Variants in SUPT5H observed in about 807,000 individuals in gnomAD.
SUPT5H encodes the protein SPT5 homolog, DSIF elongation factor subunit, also known as transcription elongation factor SPT5.
In SUPT5H, 24 loss-of-function variants were observed where a neutral mutation model predicts 142.5. The ratio of observed to expected loss-of-function variants is 0.17; its 90% CI spans 0.12 to 0.24. SUPT5H has a LOEUF of 0.24. Among genes scored for constraint, SUPT5H ranks in the 10% least tolerant of loss-of-function variants. The probability of loss-of-function intolerance (pLI) is 1.00; values close to 1 mark genes in which losing one functional copy is unlikely to be tolerated. For synonymous variants in SUPT5H, 546 were observed against 553.0 expected, an observed-to-expected ratio of 0.99 and a Z score of 0.18; for missense variants, 893 against 1,471.8, an observed-to-expected ratio of 0.61 and a Z score of 6.43.
At position 39,466,114 on chromosome 19, in the gene SUPT5H, A is replaced by G. The variant is rs535676712; in HGVS notation, c.877-366A>G. Among the ~76,000 whole-genome samples the G allele has an allele frequency of 1.3e-5, 2 of 152,296 alleles. No homozygotes were observed. Among genetic ancestry groups the G allele is most frequent in the East Asian group, 1.9e-4 (1 of 5,172 alleles). On this transcript the variant is annotated intron_variant, in intron 11 of 29. Coordinates refer to ENST00000432763, the MANE Select transcript of SUPT5H (RefSeq NM_001111020.3). The surrounding 1 kb of genome is among the most constrained non-coding windows in gnomAD (Gnocchi z 4.3). ...AAGGCAGAGCTGATGGAATTTGCCA[A>G]CGGGTCGGGTGTGGGTGTAAGAGAA...
chr19:39,450,580 G>A (rs1011396506), intron 2 of SUPT5H, among the ~76,000 whole-genome samples: 1 of 152,238 alleles, frequency 6.6e-6, no homozygotes, highest in African/African-American at 2.4e-5. Context: ...GAGGCAGCAG[G>A]CAGAGCATGT....
At position 39,469,231 on chromosome 19, in the gene SUPT5H, C is replaced by A. The variant is rs1452738527; in HGVS notation, c.1238-31C>A. The A allele has an allele frequency of 3.1e-6, 5 of 1,614,060 alleles. No individual in the cohort carries two copies. In the African/African-American group the frequency reaches 4.0e-5, roughly 13 times the overall value. ...AGCAGGGGCGGCCCATGGTGGCAAC[C>A]CCCGAGTCAGCCCTACGACTGCCCC... On this transcript the variant is annotated intron_variant, in intron 15 of 29. Coordinates refer to ENST00000432763, the MANE Select transcript of SUPT5H (RefSeq NM_001111020.3). This position sits in a 1 kb window ranked among gnomAD's most constrained non-coding sequence, Gnocchi z 5.1.
At chr19:39,463,149 G>A (rs1317664518) in intron 10 of SUPT5H, among the ~76,000 whole-genome samples, 1 of 148,716 alleles carries the variant, frequency 6.7e-6, no homozygotes, top group Non-Finnish European at 1.5e-5. Context: ...AACCCACTGC[G>A]CCTGGCCAAC....
chr19:39,454,378 C>T (rs1478198487), intron 3 of SUPT5H, among the ~76,000 whole-genome samples: 2 of 133,376 alleles, frequency 1.5e-5, no homozygotes, highest in African/African-American at 2.8e-5. Flanking sequence ...TTTTTTGAGA[C>T]GGAGTCTCGC....
In SUPT5H at chr19:39,468,334, A is replaced by G. The variant is rs2079271470; in HGVS notation, c.1038-422A>G. 3 of 211,154 alleles carry G rather than the reference A, an allele frequency of 1.4e-5. No homozygotes were observed. In the South Asian group the frequency reaches 2.1e-4, roughly 15 times the overall value. 13.1% of individuals were successfully genotyped at this position (211,154 alleles called of 1,614,324 possible). A position where few individuals can be genotyped will look rare whatever the true frequency, so the allele number is the denominator to read the frequency against. ...CTGTGAGGTCATGAGTGTGCAGGCCAGGCTGAGCGCTCTGCGAATATTCAC... is the reference window on the plus strand; with the variant it reads ...CTGTGAGGTCATGAGTGTGCAGGCCGGGCTGAGCGCTCTGCGAATATTCAC... On this transcript the variant is annotated intron_variant, in intron 13 of 29. Coordinates refer to ENST00000432763, the MANE Select transcript of SUPT5H (RefSeq NM_001111020.3).
intron 3 of SUPT5H, among the ~76,000 whole-genome samples, chr19:39,456,235 CT>C (rs879431352): frequency 5.8e-4 from 78 of 135,180 alleles, no homozygotes; most frequent in Admixed American, 6.0e-4. Flanking sequence ...TTTCTTTTTT[CT>C]TTTTTTTTTT....
rs762383756 is a variant in SUPT5H, at chr19:39,470,094, G to A, written c.1375-25G>A. ...TGTGGTGGTCTCCCTTCACCTGTTT[G>A]TTGTCCCCACACCCAATCCCCCAGG... is the stretch of plus-strand genomic sequence containing the variant. On this transcript the variant is annotated intron_variant, in intron 16 of 29. Transcript: ENST00000432763. This position sits in a 1 kb window ranked among gnomAD's most constrained non-coding sequence, Gnocchi z 5.8. 1 of 1,607,028 alleles carries A rather than the reference G, an allele frequency of 6.2e-7. No individual in the cohort carries two copies. The highest frequency in any genetic ancestry group is 2.2e-5 in the East Asian group (1 of 44,624).
chr19:39,474,229 T>C lies in SUPT5H; in HGVS notation c.2652-5T>C. ...CAAATGCCCCCTTCTCTCCTGTCTC[T>C]GCAGGTACAACACAGACCAGTTCTC... is the stretch of plus-strand genomic sequence containing the variant. On this transcript the variant is annotated splice_polypyrimidine_tract_variant and splice_region_variant and intron_variant, in intron 26 of 29. Transcript: ENST00000432763. The surrounding 1 kb of genome is among the most constrained non-coding windows in gnomAD (Gnocchi z 6.5). 6.2e-7 allele frequency: 1 copy of C among 1,614,062 alleles called. No individual in the cohort carries two copies. Among genetic ancestry groups the C allele is most frequent in the Non-Finnish European group, 8.5e-7 (1 of 1,179,994 alleles).
intron 10 of SUPT5H, 144 bp downstream of exon 10, chr19:39,460,104 T>C (rs779613501): frequency 1.3e-6 from 1 of 757,138 alleles, no homozygotes; most frequent in Non-Finnish European, 2.3e-6. Context: ...ATAAGACCAC[T>C]GCCTAGATGG....
At chr19:39,455,559 CA>C (rs1358345954) in intron 3 of SUPT5H, among the ~76,000 whole-genome samples, 6 of 148,388 alleles carry the variant, frequency 4.0e-5, no homozygotes, top group African/African-American at 1.2e-4. Context: ...TCGGTCTAAA[CA>C]AAAAAAATTA....
Position 39,458,198 on chromosome 19 carries a change from G to T in SUPT5H, c.308-96G>T. 1.3e-6 allele frequency: 2 copies of T among 1,533,526 alleles called. No individual in the cohort carries two copies. Among genetic ancestry groups the T allele is most frequent in the Non-Finnish European group, 1.7e-6 (2 of 1,143,516 alleles). The allele number at this position is 1,533,526 out of a possible 1,614,324, so 95.0% of individuals were successfully genotyped here. The stretch of plus-strand genomic sequence containing the variant: ...CCCCAACCCATTGGTTGATTTTGCT[G>T]CTATAATTTGGCTCATACTTTGTCT... On this transcript the variant is annotated intron_variant, in intron 4 of 29. Transcript: ENST00000432763. The surrounding 1 kb of genome is among the most constrained non-coding windows in gnomAD (Gnocchi z 4.2).
At chr19:39,471,899 C>A in intron 20 of SUPT5H, 169 bp downstream of exon 20, 1 of 995,560 alleles carries the variant, frequency 1.0e-6, no homozygotes, top group Non-Finnish European at 1.4e-6. Flanking sequence ...CTGAGCTGTT[C>A]ACCAAGTTAT....
chr19:39,468,697 A>G lies in SUPT5H; in HGVS notation c.1038-59A>G. On this transcript the variant is annotated intron_variant, in intron 13 of 29. Coordinates refer to ENST00000432763, the MANE Select transcript of SUPT5H (RefSeq NM_001111020.3). ...TGTTGCCAGCTGAGAAGACTGAGGT[A>G]CAGCAAGATTTTCTTCTTGACTCTC... is the stretch of plus-strand genomic sequence containing the variant. The G allele has an allele frequency of 3.4e-6, 5 of 1,492,430 alleles. No homozygotes were observed. In the South Asian group the frequency reaches 4.5e-5, roughly 14 times the overall value. The allele number at this position is 1,492,430 out of a possible 1,614,324, so 92.4% of individuals were successfully genotyped here. A position where few individuals can be genotyped will look rare whatever the true frequency, so the allele number is the denominator to read the frequency against.
In SUPT5H at chr19:39,458,264, A is replaced by T. The variant is rs1400507367; in HGVS notation, c.308-30A>T. The T allele has an allele frequency of 9.4e-6, 7 of 746,910 alleles. No homozygotes were observed. Among genetic ancestry groups the T allele is most frequent in the Non-Finnish European group, 1.5e-5 (7 of 468,320 alleles). 46.3% of individuals were successfully genotyped at this position (746,910 alleles called of 1,614,324 possible). A position where few individuals can be genotyped will look rare whatever the true frequency, so the allele number is the denominator to read the frequency against. On this transcript the variant is annotated intron_variant, in intron 4 of 29. Transcript: ENST00000432763. The surrounding 1 kb of genome is among the most constrained non-coding windows in gnomAD (Gnocchi z 4.2). ...CACCACCACCACCACCACCACCACC[A>T]CCACCACCACCTCCTCTTCCTCCAA...
Position 39,469,180 on chromosome 19 carries a change from AT to A in SUPT5H, c.1237+9del, listed in dbSNP as rs1568430163. The A allele has an allele frequency of 1.9e-6, 3 of 1,614,130 alleles. No homozygotes were observed. The highest frequency in any genetic ancestry group is 1.7e-6 in the Non-Finnish European group (2 of 1,180,002). The stretch of plus-strand genomic sequence containing the variant: ...TGGTGACTGAGAGCACAGGTATTTG[AT>A]CCCCCTCTATAACCTGGGCCAAGGA... On this transcript the variant is annotated intron_variant, in intron 15 of 29. Coordinates refer to ENST00000432763, the MANE Select transcript of SUPT5H (RefSeq NM_001111020.3). This position sits in a 1 kb window ranked among gnomAD's most constrained non-coding sequence, Gnocchi z 5.1.
Position 39,473,381 on chromosome 19 carries a change from G to T in SUPT5H, c.2387-35G>T. Reference sequence around the variant, plus strand: ...GAGGGGCTAGGGGGACCTAGAGAAGGGACAGGACAGACACACTCATTTCCC... The same window carrying T: ...GAGGGGCTAGGGGGACCTAGAGAAGTGACAGGACAGACACACTCATTTCCC... On this transcript the variant is annotated intron_variant, in intron 24 of 29. Coordinates refer to ENST00000432763, the MANE Select transcript of SUPT5H (RefSeq NM_001111020.3). The surrounding 1 kb of genome is among the most constrained non-coding windows in gnomAD (Gnocchi z 5.8). The T allele has an allele frequency of 6.2e-7, 1 of 1,613,262 alleles. No homozygotes were observed. The highest frequency in any genetic ancestry group is 2.2e-5 in the East Asian group (1 of 44,858).
chr19:39,469,471 G>A lies in SUPT5H; in HGVS notation c.1374+73G>A, dbSNP rs1157655622. ...CTGACTGTATGTGGCTGTCGAGGCGGTGGTGTGCCTGGTGACACCTGGTTT... is the reference window on the plus strand; with the variant it reads ...CTGACTGTATGTGGCTGTCGAGGCGATGGTGTGCCTGGTGACACCTGGTTT... On this transcript the variant is annotated intron_variant, in intron 16 of 29. Transcript: ENST00000432763. This position sits in a 1 kb window ranked among gnomAD's most constrained non-coding sequence, Gnocchi z 5.1. 1.2e-6 allele frequency: 2 copies of A among 1,600,078 alleles called. No individual in the cohort carries two copies. The highest frequency in any genetic ancestry group is 1.7e-6 in the Non-Finnish European group (2 of 1,170,440).
chr19:39,458,743 C>T lies in SUPT5H; in HGVS notation c.320-75C>T, dbSNP rs1306333884. 1.4e-6 allele frequency: 2 copies of T among 1,410,806 alleles called. No individual in the cohort carries two copies. The highest frequency in any genetic ancestry group is 1.9e-6 in the Non-Finnish European group (2 of 1,032,864). The allele number at this position is 1,410,806 out of a possible 1,614,324, so 87.4% of individuals were successfully genotyped here. A position where few individuals can be genotyped will look rare whatever the true frequency, so the allele number is the denominator to read the frequency against. On this transcript the variant is annotated intron_variant, in intron 5 of 29. Coordinates refer to ENST00000432763, the MANE Select transcript of SUPT5H (RefSeq NM_001111020.3). The surrounding 1 kb of genome is among the most constrained non-coding windows in gnomAD (Gnocchi z 4.2). ...CAGGGCCAAACCCTGGCCCTCTTAG[C>T]TGCACGCTCCTATTTTCTCCAGGCC...
Position 39,470,624 on chromosome 19 carries a change from G to A in SUPT5H, c.1677+101G>A. 7.4e-7 allele frequency: 1 copy of A among 1,347,242 alleles called. No individual in the cohort carries two copies. The highest frequency in any genetic ancestry group is 1.7e-5 in the South Asian group (1 of 58,138). 83.5% of individuals were successfully genotyped at this position (1,347,242 alleles called of 1,614,324 possible). A position where few individuals can be genotyped will look rare whatever the true frequency, so the allele number is the denominator to read the frequency against. ...TGGCAGAGCCCCCAGACTGCTCTGG[G>A]TTGCAGATCTGGCTCTGTCACTTAC... On this transcript the variant is annotated intron_variant, in intron 18 of 29. Coordinates refer to ENST00000432763, the MANE Select transcript of SUPT5H (RefSeq NM_001111020.3). This position sits in a 1 kb window ranked among gnomAD's most constrained non-coding sequence, Gnocchi z 5.8.
Sources: allele counts gnomAD v4.1 joint callset (sites outside exome capture counted in the v4.1 genomes callset), GRCh38; gene constraint gnomAD v4.1.1; non-coding constraint Gnocchi (gnomAD v3.1); transcripts MANE v1.5; gene names NCBI Gene and HGNC (gene_info 2026-07-23, HGNC 2026-07-21).